Variants in CAMK2D observed in about 807,000 individuals in gnomAD.
CAMK2D encodes calcium/calmodulin-dependent protein kinase type II subunit delta.
Under a neutral mutation model 84.0 loss-of-function variants are expected in CAMK2D, and 37 were observed. The ratio of observed to expected loss-of-function variants is 0.44; its 90% confidence interval spans 0.34 to 0.58. The LOEUF (loss-of-function observed/expected upper bound fraction) is 0.58. Ranked by LOEUF, CAMK2D falls within the 20% of genes least tolerant of loss-of-function variation. The pLI, the probability that CAMK2D is intolerant of heterozygous loss-of-function variation, is 0.02. For synonymous variants in CAMK2D, 202 were observed against 212.5 expected (o/e 0.95, Z 0.43); for missense variants, 448 against 652.5 (o/e 0.69, Z 3.41).
chr4:113,693,469 A>C (rs2099394149), intron 2 of CAMK2D, among the ~76,000 whole-genome samples: 1 of 152,090 alleles, frequency 6.6e-6, no homozygotes, highest in Non-Finnish European at 1.5e-5. Flanking sequence ...AGACCCAAAT[A>C]CTCCTCAAAC....
intron 3 of CAMK2D, among the ~76,000 whole-genome samples, chr4:113,633,458 A>G (rs932284943): frequency 6.6e-6 from 1 of 152,218 alleles, no homozygotes; most frequent in African/African-American, 2.4e-5. Context: ...ACCAAGTCCA[A>G]TACCAGCAGT....
At chr4:113,469,871 T>C (rs1418581692) in intron 16 of CAMK2D, among the ~76,000 whole-genome samples, 1 of 152,186 alleles carries the variant, frequency 6.6e-6, no homozygotes, top group Non-Finnish European at 1.5e-5. Flanking sequence ...TTTTTGACTT[T>C]TTTTCCTCTT....
intron 2 of CAMK2D, among the ~76,000 whole-genome samples, chr4:113,705,708 G>T (rs1461874111): frequency 6.6e-6 from 1 of 152,190 alleles, no homozygotes; most frequent in African/African-American, 2.4e-5. Flanking sequence ...TTTCTCCATA[G>T]ATCTCCTTAG....
intron 2 of CAMK2D, among the ~76,000 whole-genome samples, chr4:113,669,913 C>T (rs1452767868): frequency 3.3e-5 from 5 of 152,124 alleles, no homozygotes; most frequent in Non-Finnish European, 7.4e-5. Flanking sequence ...ATCAAAACTT[C>T]CAGATGGCAT....
intron 16 of CAMK2D, among the ~76,000 whole-genome samples, chr4:113,497,494 T>C (rs980888850): frequency 2.6e-5 from 4 of 152,238 alleles, no homozygotes; most frequent in Non-Finnish European, 5.9e-5. Flanking sequence ...GAACCATTAA[T>C]CTCTGACTAC....
intron 2 of CAMK2D, among the ~76,000 whole-genome samples, chr4:113,725,153 T>C (rs1193383604): frequency 6.6e-6 from 1 of 151,986 alleles, no homozygotes; most frequent in Admixed American, 6.5e-5. Flanking sequence ...AAATAAACTA[T>C]GTAAGAATTC....
At chr4:113,513,111 G>GT (rs1378169575) in intron 12 of CAMK2D, 7 of 951,340 alleles carry the variant, frequency 7.4e-6, no homozygotes, top group Admixed American at 1.2e-4. Flanking sequence ...AAGCAGTCTT[G>GT]TGAGGGGTTC....
intron 2 of CAMK2D, among the ~76,000 whole-genome samples, chr4:113,691,976 C>A (rs2099388383): frequency 6.6e-6 from 1 of 152,092 alleles, no homozygotes; most frequent in Non-Finnish European, 1.5e-5. Context: ...AATAGCAATA[C>A]ATGAGAAGAA....
chr4:113,609,549 T>C (rs1277115886), intron 3 of CAMK2D, among the ~76,000 whole-genome samples: 1 of 152,208 alleles, frequency 6.6e-6, no homozygotes, highest in Non-Finnish European at 1.5e-5. Flanking sequence ...CATTATAATA[T>C]ATATCCATAT....
intron 2 of CAMK2D, among the ~76,000 whole-genome samples, chr4:113,694,935 A>G (rs2099398420): frequency 6.6e-6 from 1 of 152,182 alleles, no homozygotes; most frequent in Non-Finnish European, 1.5e-5. Flanking sequence ...GTGTTTATAG[A>G]TTGATTCATG....
intron 3 of CAMK2D, among the ~76,000 whole-genome samples, chr4:113,619,901 T>C (rs1365324342): frequency 2.0e-5 from 3 of 152,062 alleles, no homozygotes; most frequent in Admixed American, 2.0e-4. Flanking sequence ...AGAGAGAATA[T>C]AGGTGCTGAG....
intron 2 of CAMK2D, among the ~76,000 whole-genome samples, chr4:113,667,920 A>T (rs1427162156): frequency 1.3e-5 from 2 of 152,218 alleles, no homozygotes. Context: ...AAGTAGAATT[A>T]GATATAGATG....
chr4:113,630,132 C>T (rs1376673196), intron 3 of CAMK2D, among the ~76,000 whole-genome samples: 4 of 152,008 alleles, frequency 2.6e-5, no homozygotes, highest in Non-Finnish European at 4.4e-5. Context: ...AAAATGAATG[C>T]GTAGTTATTT....
intron 3 of CAMK2D, among the ~76,000 whole-genome samples, chr4:113,642,997 A>G (rs568059375): frequency 4.6e-5 from 7 of 152,354 alleles, no homozygotes; most frequent in African/African-American, 1.7e-4. Flanking sequence ...ATGAAAAGCT[A>G]GAAAAAGGGA....
At chr4:113,556,407 A>T (rs1242099246) in intron 4 of CAMK2D, among the ~76,000 whole-genome samples, 3 of 152,188 alleles carry the variant, frequency 2.0e-5, no homozygotes, top group African/African-American at 7.2e-5. Flanking sequence ...GAATACAGAC[A>T]TAAAGAATTC....
At chr4:113,538,409 A>T (rs1261471780) in intron 6 of CAMK2D, among the ~76,000 whole-genome samples, 1 of 152,132 alleles carries the variant, frequency 6.6e-6, no homozygotes, top group East Asian at 1.9e-4. Context: ...TAATATATAC[A>T]GTTAAGGATA....
chr4:113,547,153 G>A (rs993630968), intron 6 of CAMK2D, among the ~76,000 whole-genome samples: 5 of 152,260 alleles, frequency 3.3e-5, no homozygotes, highest in East Asian at 3.9e-4. Context: ...CTAATGTTAA[G>A]GGAAAGAGAA....
intron 2 of CAMK2D, among the ~76,000 whole-genome samples, chr4:113,712,799 CAT>C (rs1185876126): frequency 6.6e-6 from 1 of 151,916 alleles, no homozygotes. Flanking sequence ...GAAAAAAAGT[CAT>C]ATATATACAT....
intron 2 of CAMK2D, among the ~76,000 whole-genome samples, chr4:113,706,371 C>T (rs1321001214): frequency 1.3e-5 from 2 of 152,126 alleles, no homozygotes; most frequent in Admixed American, 6.6e-5. Context: ...CTGTTGAAGT[C>T]ATGTGAAAAT....
Sources: gnomAD v4.1 joint callset for allele counts (sites outside exome capture counted in the v4.1 genomes callset) on GRCh38, gnomAD v4.1.1 for gene constraint, MANE v1.5 for transcripts, NCBI Gene and HGNC (gene_info 2026-07-23, HGNC 2026-07-21) for gene names.